Variants in GALNT2 observed in about 807,000 individuals in gnomAD.
The protein encoded by GALNT2 is UDP-GalNAc:polypeptide N-acetylgalactosaminyltransferase 2.
Under a neutral mutation model 81.4 loss-of-function variants are expected in GALNT2, and 31 were observed. The ratio of observed to expected loss-of-function variants is 0.38; its 90% CI spans 0.29 to 0.51. GALNT2 has a LOEUF of 0.51. Among genes scored for constraint, GALNT2 ranks in the 20% least tolerant of loss-of-function variants. The pLI is 0.87. For synonymous variants in GALNT2, 303 were observed against 287.4 expected (o/e 1.05, Z -0.55); for missense variants, 629 against 765.7 (o/e 0.82, Z 2.11).
chr1:230,136,741 C>T (rs1661561223), intron 1 of GALNT2, among the ~76,000 whole-genome samples: 2 of 152,254 alleles, frequency 1.3e-5, no homozygotes, highest in South Asian at 4.1e-4. Context: ...TTTGTAGCTT[C>T]ACAGGGACTT....
chr1:230,096,216 G>GC (rs1367804552), intron 1 of GALNT2, among the ~76,000 whole-genome samples: 1 of 152,218 alleles, frequency 6.6e-6, no homozygotes, highest in Non-Finnish European at 1.5e-5. Context: ...CTGAGGTTGA[G>GC]CCATGGTGGA....
At chr1:230,163,388 G>C (rs1662495259) in intron 1 of GALNT2, among the ~76,000 whole-genome samples, 1 of 152,212 alleles carries the variant, frequency 6.6e-6, no homozygotes, top group Non-Finnish European at 1.5e-5. Context: ...GCTCATCAGA[G>C]AGCATGGGAT....
intron 2 of GALNT2, among the ~76,000 whole-genome samples, chr1:230,187,735 C>T (rs942740657): frequency 6.6e-6 from 1 of 152,174 alleles, no homozygotes; most frequent in Admixed American, 6.5e-5. Context: ...GGAAGTGGCT[C>T]TCAGTGGGAT....
chr1:230,111,729 C>T (rs1442330442), intron 1 of GALNT2, among the ~76,000 whole-genome samples: 1 of 152,162 alleles, frequency 6.6e-6, no homozygotes, highest in Admixed American at 6.5e-5. Context: ...AAAATGAACA[C>T]TGGTTCACTC....
At chr1:230,151,316 A>T (rs1240256185) in intron 1 of GALNT2, among the ~76,000 whole-genome samples, 1 of 152,100 alleles carries the variant, frequency 6.6e-6, no homozygotes, top group East Asian at 1.9e-4. Context: ...ACATCGCAGC[A>T]CAGCGCTGCA....
intron 3 of GALNT2, among the ~76,000 whole-genome samples, chr1:230,228,839 C>T (rs1179713162): frequency 2.0e-5 from 3 of 152,188 alleles, no homozygotes; most frequent in Admixed American, 6.5e-5. Flanking sequence ...CCCTGCGTGA[C>T]ACTTCACTGA....
intron 1 of GALNT2, among the ~76,000 whole-genome samples, chr1:230,089,414 A>G (rs1659993996): frequency 6.6e-6 from 1 of 152,110 alleles, no homozygotes. Context: ...CGGCCTCCCA[A>G]AGTGCTGGGA....
rs376249559 is a variant in GALNT2, at chr1:230,275,917, CCA to C, written c.1560+1356_1560+1357del. Among the ~76,000 whole-genome samples, 185 of 149,794 alleles carry C rather than the reference CCA, an allele frequency of 1.2e-3. 1 individual carries two copies. Among genetic ancestry groups the C allele is most frequent in the African/African-American group, 4.3e-3 (176 of 40,688 alleles). ...TAAACACCACATATATACATAGACA[CCA>C]CAGATACATACATATATACATGCCA... On this transcript the variant is annotated intron_variant, in intron 15 of 15. Transcript: ENST00000366672. The surrounding 1 kb of genome is among the most constrained non-coding windows in gnomAD (Gnocchi z 5.5).
rs1486076045 is a variant in GALNT2 at position 230,275,974 on chromosome 1, T to C, written c.1560+1410T>C. ...TATATACGTATATATACATGCCACA[T>C]ATATATACGTATATATACATGCCAC... On this transcript the variant is annotated intron_variant, in intron 15 of 15. Coordinates refer to ENST00000366672, the MANE Select transcript of GALNT2 (RefSeq NM_004481.5). This position sits in a 1 kb window ranked among gnomAD's most constrained non-coding sequence, Gnocchi z 5.5. 1.3e-5 allele frequency among the ~76,000 whole-genome samples: 1 copy of C among 77,096 alleles called. No individual in the cohort carries two copies. The highest frequency in any genetic ancestry group is 2.7e-4 in the East Asian group (1 of 3,696). The allele number at this position is 77,096 out of a possible 152,430, so 50.6% of individuals were successfully genotyped here. A position where few individuals can be genotyped will look rare whatever the true frequency, so the allele number is the denominator to read the frequency against.
At chr1:230,118,777 C>G (rs1322822141) in intron 1 of GALNT2, among the ~76,000 whole-genome samples, 1 of 151,952 alleles carries the variant, frequency 6.6e-6, no homozygotes, top group African/African-American at 2.4e-5. Context: ...TCAGATGGCA[C>G]CTCCTCTGTG....
intron 1 of GALNT2, among the ~76,000 whole-genome samples, chr1:230,174,129 G>T (rs191698609): frequency 6.6e-6 from 1 of 152,176 alleles, no homozygotes; most frequent in Admixed American, 6.5e-5. Flanking sequence ...GCAGGGACCC[G>T]CTGTGCAAGA....
intron 15 of GALNT2, among the ~76,000 whole-genome samples, chr1:230,276,700 C>G (rs2102784536): frequency 6.6e-6 from 1 of 152,350 alleles, no homozygotes; most frequent in Admixed American, 6.5e-5. Flanking sequence ...GAGCCCCTCT[C>G]TAGGGTTCTG....
intron 1 of GALNT2, among the ~76,000 whole-genome samples, chr1:230,110,817 A>G (rs1334833308): frequency 6.6e-6 from 1 of 151,226 alleles, no homozygotes; most frequent in Non-Finnish European, 1.5e-5. Flanking sequence ...GAGTTTGGAC[A>G]TCAGCCTGAC....
chr1:230,151,030 C>G (rs1202625246), intron 1 of GALNT2, among the ~76,000 whole-genome samples: 1 of 152,230 alleles, frequency 6.6e-6, no homozygotes, highest in African/African-American at 2.4e-5. Context: ...ACTTGTTGAA[C>G]TCTTTCCTAT....
At chr1:230,231,903 G>A (rs1173524601) in intron 3 of GALNT2, among the ~76,000 whole-genome samples, 2 of 152,110 alleles carry the variant, frequency 1.3e-5, no homozygotes, top group African/African-American at 4.8e-5. Flanking sequence ...TGCGTCGTCT[G>A]GTAGAACAAA....
At chr1:230,127,144 C>T (rs1182316485) in intron 1 of GALNT2, among the ~76,000 whole-genome samples, 1 of 152,184 alleles carries the variant, frequency 6.6e-6, no homozygotes, top group South Asian at 2.1e-4. Context: ...ATGTGACCCA[C>T]ACACCCTACT....
In GALNT2 at chr1:230,216,626, C is replaced by G. The variant is rs577041647; in HGVS notation, c.374+13336C>G. Reference sequence around the variant, plus strand: ...ATTGTTTAGTAGAGATGGGGTGTTGCTATGTTGCCCACACTGGCCTCAAAC... The same window carrying G: ...ATTGTTTAGTAGAGATGGGGTGTTGGTATGTTGCCCACACTGGCCTCAAAC... On this transcript the variant is annotated intron_variant, in intron 3 of 15. Transcript: ENST00000366672. Among the ~76,000 whole-genome samples, 9 of 152,254 alleles carry G rather than the reference C, an allele frequency of 5.9e-5. No individual in the cohort carries two copies. In the South Asian group the frequency reaches 1.7e-3, roughly 28 times the overall value.
intron 8 of GALNT2, among the ~76,000 whole-genome samples, chr1:230,247,953 G>GT (rs2102746064): frequency 6.6e-6 from 1 of 152,338 alleles, no homozygotes; most frequent in South Asian, 2.1e-4. Context: ...CCAGGACATT[G>GT]TTTTTCTGGT....
chr1:230,213,276 A>T (rs751357106), intron 3 of GALNT2, among the ~76,000 whole-genome samples: 1 of 152,238 alleles, frequency 6.6e-6, no homozygotes, highest in Non-Finnish European at 1.5e-5. Context: ...CCTAGTAAGG[A>T]TAACCTAACC....
Sources: allele counts gnomAD v4.1 joint callset (sites outside exome capture counted in the v4.1 genomes callset), GRCh38; gene constraint gnomAD v4.1.1; non-coding constraint Gnocchi (gnomAD v3.1); transcripts MANE v1.5; gene names NCBI Gene and HGNC (gene_info 2026-07-23, HGNC 2026-07-21).